The following ERBB4 variants were observed in gnomAD, a reference collection of about 807,000 sequenced individuals.
ERBB4 encodes the protein receptor tyrosine-protein kinase erbB-4.
A neutral mutation model predicts 158.0 loss-of-function variants in ERBB4; 42 were observed. That is an observed-to-expected ratio of 0.27 (90% CI 0.21 to 0.34). The LOEUF is 0.34. ERBB4 is among the 10% of genes least tolerant of loss of function. ERBB4 has a pLI of 1.00. For missense variants in ERBB4, 1,333 were observed against 1,624.1 expected (o/e 0.82, Z 3.08); for synonymous variants, 583 against 558.7 (o/e 1.04, Z -0.61).
chr2:211,706,018 C>T (rs1225912372), intron 9 of ERBB4, among the ~76,000 whole-genome samples: 1 of 151,912 alleles, frequency 6.6e-6, no homozygotes, highest in Non-Finnish European at 1.5e-5. Context: ...CTATTCGCTT[C>T]CAAGTATATG....
At chr2:211,452,738 T>C (rs1258641425) in intron 20 of ERBB4, among the ~76,000 whole-genome samples, 1 of 152,168 alleles carries the variant, frequency 6.6e-6, no homozygotes, top group East Asian at 1.9e-4. Flanking sequence ...CATTTCATAG[T>C]ATAGAACCTT....
chr2:212,335,193 G>C (rs527567816), intron 1 of ERBB4, among the ~76,000 whole-genome samples: 52 of 151,716 alleles, frequency 3.4e-4, no homozygotes, highest in Non-Finnish European at 3.4e-4. Flanking sequence ...AAACGATAAA[G>C]GTTCTAAAAT....
chr2:211,566,114 C>CAGTCAGCA (rs1292366838), intron 19 of ERBB4, among the ~76,000 whole-genome samples: 1 of 152,148 alleles, frequency 6.6e-6, no homozygotes, highest in Non-Finnish European at 1.5e-5. Context: ...CACGTGGTAC[C>CAGTCAGCA]AGTCAGCAGT....
chr2:212,205,314 C>A (rs1419227863), intron 1 of ERBB4, among the ~76,000 whole-genome samples: 1 of 152,182 alleles, frequency 6.6e-6, no homozygotes, highest in Non-Finnish European at 1.5e-5. Context: ...GTGCGTGCCA[C>A]CACGCCAGCC....
rs536690774 is a variant in ERBB4 at position 212,235,898 on chromosome 2, A to G, written c.83-110995T>C. ...CACGAAGGCGTTTTCTAAATATACA[A>G]TCATGTAATCTGCAAACAGACATTT... is the stretch of plus-strand genomic sequence containing the variant. On this transcript the variant is annotated intron_variant, in intron 1 of 27. Coordinates refer to ENST00000342788, the MANE Select transcript of ERBB4 (RefSeq NM_005235.3). 9.2e-5 allele frequency among the ~76,000 whole-genome samples: 14 copies of G among 152,334 alleles called. No individual in the cohort carries two copies. The East Asian group carries it at 2.7e-3, about 29-fold the overall frequency.
chr2:211,998,114 C>A (rs755871933), intron 2 of ERBB4, among the ~76,000 whole-genome samples: 1 of 151,878 alleles, frequency 6.6e-6, no homozygotes, highest in Non-Finnish European at 1.5e-5. Flanking sequence ...AGCATACCAA[C>A]ATGGCACATG....
chr2:211,918,265 C>T lies in ERBB4; in HGVS notation c.421+29165G>A, dbSNP rs368773701. ...CTGGTTTACAGAACTGAAAGTATTACTTATTTCAAATTTTAGTGAGGAAAT... is the reference window on the plus strand; with the variant it reads ...CTGGTTTACAGAACTGAAAGTATTATTTATTTCAAATTTTAGTGAGGAAAT... On this transcript the variant is annotated intron_variant, in intron 3 of 27. Transcript: ENST00000342788. 8.9e-4 allele frequency among the ~76,000 whole-genome samples: 135 copies of T among 152,168 alleles called. 3 individuals carry two copies. In the South Asian group the frequency reaches 0.025, roughly 28 times the overall value.
chr2:212,397,194 G>T (rs1218888486), intron 1 of ERBB4, among the ~76,000 whole-genome samples: 1 of 152,020 alleles, frequency 6.6e-6, no homozygotes, highest in Non-Finnish European at 1.5e-5. Flanking sequence ...ATATTGCTAG[G>T]CAGGCCATGG....
chr2:211,669,137 C>T (rs959132425), intron 14 of ERBB4, among the ~76,000 whole-genome samples: 1 of 145,444 alleles, frequency 6.9e-6, no homozygotes, highest in Non-Finnish European at 1.5e-5. Context: ...GCATGAGACT[C>T]GTTTGTGCCC....
chr2:211,745,051 T>C (rs1575084719), intron 5 of ERBB4, among the ~76,000 whole-genome samples: 1 of 152,308 alleles, frequency 6.6e-6, no homozygotes, highest in East Asian at 1.9e-4. Flanking sequence ...AAAACTTACA[T>C]AGCATGTTTT....
At chr2:211,788,556 A>G (rs1037321245) in intron 3 of ERBB4, among the ~76,000 whole-genome samples, 1 of 152,168 alleles carries the variant, frequency 6.6e-6, no homozygotes, top group East Asian at 1.9e-4. Flanking sequence ...TTTAATGAGA[A>G]CAGGATATGT....
chr2:212,413,134 ATTTTTTTTTTTTTTT>A (rs370397826), intron 1 of ERBB4, among the ~76,000 whole-genome samples: 2 of 101,256 alleles, frequency 2.0e-5, no homozygotes, highest in Non-Finnish European at 3.8e-5. Context: ...TGCGTGGCTA[ATTTTTTTTTTTTTTT>A]TTTTTTTTTT....
chr2:211,684,381 G>A (rs1237616089), intron 12 of ERBB4, among the ~76,000 whole-genome samples: 1 of 152,096 alleles, frequency 6.6e-6, no homozygotes, highest in Non-Finnish European at 1.5e-5. Context: ...AAACCGGGAG[G>A]TGGAGGTTTC....
chr2:211,473,469 ATCT>A (rs1413156486), intron 20 of ERBB4, among the ~76,000 whole-genome samples: 13 of 152,232 alleles, frequency 8.5e-5, no homozygotes, highest in Admixed American at 5.2e-4. Context: ...AGGAAAATAA[ATCT>A]TCTTTGAATT....
At chr2:212,185,697 A>G (rs1032376474) in intron 1 of ERBB4, among the ~76,000 whole-genome samples, 1 of 152,062 alleles carries the variant, frequency 6.6e-6, no homozygotes, top group African/African-American at 2.4e-5. Flanking sequence ...ATAATAAGTA[A>G]TGATGGAATT....
intron 1 of ERBB4, among the ~76,000 whole-genome samples, chr2:212,333,304 C>T (rs921770264): frequency 2.6e-5 from 4 of 151,874 alleles, no homozygotes; most frequent in Non-Finnish European, 4.4e-5. Flanking sequence ...TTCCTGAATC[C>T]GGGTGGCCAT....
At chr2:211,825,955 A>C (rs2077092329) in intron 3 of ERBB4, among the ~76,000 whole-genome samples, 1 of 149,824 alleles carries the variant, frequency 6.7e-6, no homozygotes, top group South Asian at 2.1e-4. Flanking sequence ...ATCTCTTAAG[A>C]TTTTTCTAGA....
intron 1 of ERBB4, among the ~76,000 whole-genome samples, chr2:212,265,115 G>A (rs531528014): frequency 1.3e-5 from 2 of 152,196 alleles, no homozygotes; most frequent in East Asian, 1.9e-4. Context: ...GATATTCAGT[G>A]CTCAGGACAC....
chr2:212,534,347 G>A lies in ERBB4; in HGVS notation c.82+4102C>T, dbSNP rs373834351. Among the ~76,000 whole-genome samples the A allele has an allele frequency of 3.9e-5, 6 of 152,232 alleles. No individual in the cohort carries two copies. In the East Asian group the frequency reaches 1.2e-3, roughly 29 times the overall value. On this transcript the variant is annotated intron_variant, in intron 1 of 27. Coordinates refer to ENST00000342788, the MANE Select transcript of ERBB4 (RefSeq NM_005235.3). ...TCACTAGCATTTTTTAAATAGCAGTGGTCCACCTTCCTTCCTTGGTCAAGA... is the reference window on the plus strand; with the variant it reads ...TCACTAGCATTTTTTAAATAGCAGTAGTCCACCTTCCTTCCTTGGTCAAGA...
Sources: allele counts gnomAD v4.1 joint callset (sites outside exome capture counted in the v4.1 genomes callset), GRCh38; gene constraint gnomAD v4.1.1; transcripts MANE v1.5; gene names NCBI Gene and HGNC (gene_info 2026-07-23, HGNC 2026-07-21).